Variants in CACNA1H observed in about 807,000 individuals in gnomAD.
CACNA1H encodes the protein calcium voltage-gated channel subunit alpha1 H.
In CACNA1H, 149 loss-of-function variants were observed where a neutral mutation model predicts 192.5. That is an observed-to-expected ratio of 0.77 (90% CI 0.68 to 0.89). CACNA1H has a LOEUF of 0.89. Ranked by LOEUF, CACNA1H falls within the 40% of genes least tolerant of loss-of-function variation. The pLI is 0.00. For missense variants in CACNA1H, 4,257 were observed against 3,423.5 expected, an observed-to-expected ratio of 1.24 and a Z score of -6.08; for synonymous variants, 2,202 against 1,475.2, an observed-to-expected ratio of 1.49 and a Z score of -11.29.
chr16:1,207,937 C>T (rs930947437), intron 15 of CACNA1H, 76 bp from the exon 16 acceptor site: 2 of 1,538,420 alleles, frequency 1.3e-6, no homozygotes, highest in African/African-American at 1.4e-5. Flanking sequence ...CCCCATAAGG[C>T]AATCCCTAGG....
intron 2 of CACNA1H, among the ~76,000 whole-genome samples, chr16:1,166,440 A>ATTCC (rs1178070002): frequency 2.0e-5 from 3 of 152,140 alleles, no homozygotes; most frequent in Non-Finnish European, 4.4e-5. Context: ...GCACCAACTC[A>ATTCC]TTCCTGTTGT....
chr16:1,210,815 A>G lies in CACNA1H; in HGVS notation c.4067A>G (p.Glu1356Gly), dbSNP rs1268791413. The G allele has an allele frequency of 1.9e-6, 3 of 1,602,800 alleles. No homozygotes were observed. Among genetic ancestry groups the G allele is most frequent in the Non-Finnish European group, 2.5e-6 (3 of 1,179,720 alleles). Residue 1356 changes from glutamate (E) to glycine (G), a missense_variant, in exon 21 of 35, where the codon GAG (glutamate) becomes GGG (glycine). By Grantham distance (98) the Glu-to-Gly change is moderately conservative. Coordinates refer to ENST00000348261, the MANE Select transcript of CACNA1H (RefSeq NM_021098.3). ...KVVALGLLSG[E>G]HAYLQSSWNL... ...GTGGCCCTGGGGCTGCTGTCCGGCG[A>G]GCACGCCTACCTGCAGAGCAGCTGG...
At chr16:1,206,337 A>G (rs577105128) in intron 12 of CACNA1H, 48 bp downstream of exon 12, 1 of 1,516,894 alleles carries the variant, frequency 6.6e-7, no homozygotes, top group Non-Finnish European at 8.9e-7. Flanking sequence ...ACCCCAGGGC[A>G]GCTGGGAGGC....
At chr16:1,211,324 G>T in intron 22 of CACNA1H, 30 bp downstream of exon 22, 1 of 1,612,156 alleles carries the variant, frequency 6.2e-7, no homozygotes. Flanking sequence ...CCGGGGGTCT[G>T]CCCCGTCGCA....
At position 1,215,507 on chromosome 16, in the gene CACNA1H, C is replaced by G; in HGVS notation, c.5174-16C>G. The G allele has an allele frequency of 1.2e-6, 2 of 1,609,714 alleles. No homozygotes were observed. Among genetic ancestry groups the G allele is most frequent in the Non-Finnish European group, 1.7e-6 (2 of 1,178,750 alleles). ...GGGTCCGCCCAGCCCTGCTGACGCT[C>G]AGCTCCCGGCCCTAGTGCTGAAGCT... On this transcript the variant is annotated splice_polypyrimidine_tract_variant and intron_variant, in intron 29 of 34. Transcript: ENST00000348261.
At chr16:1,164,475 G>A (rs1963551863) in intron 2 of CACNA1H, among the ~76,000 whole-genome samples, 1 of 152,176 alleles carries the variant, frequency 6.6e-6, no homozygotes, top group Non-Finnish European at 1.5e-5. Flanking sequence ...AGGATTACAG[G>A]TGTGAGCCAC....
rs1256406124 is a variant in CACNA1H, at chr16:1,213,871, C to T, written c.4869C>T (p.Ile1623=). Residue 1623 remains isoleucine (I), a synonymous_variant, in exon 27 of 35, where the codon ATC becomes ATT. Coordinates refer to ENST00000348261, the MANE Select transcript of CACNA1H (RefSeq NM_021098.3). ...CCAGCCACTATCTCGACCTCTTCAT[C>T]ACCTTCATCATCTGTGTCAACGTCA... The part of the protein sequence containing the change: ...LCTSHYLDLF[I]TFIICVNVIT... The T allele has an allele frequency of 2.5e-6, 4 of 1,611,140 alleles. No individual in the cohort carries two copies. The highest frequency in any genetic ancestry group is 2.7e-5 in the African/African-American group (2 of 75,032).
chr16:1,195,721 C>T (rs754882726), intron 4 of CACNA1H, among the ~76,000 whole-genome samples, 156 bp downstream of exon 4: 3 of 152,158 alleles, frequency 2.0e-5, no homozygotes, highest in Admixed American at 6.5e-5. Context: ...GAGACCCTCC[C>T]TCCTGGGCAC....
intron 29 of CACNA1H, 28 bp from the exon 30 acceptor site, chr16:1,215,495 C>CCTGCTGACGCTCAGCT (rs1567550364): frequency 1.2e-6 from 2 of 1,607,340 alleles, no homozygotes; most frequent in South Asian, 2.2e-5. Context: ...TCCGCCCAGC[C>CCTGCTGACGCTCAGCT]CTGCTGACGC....
Position 1,183,183 on chromosome 16 carries a change from C to T in CACNA1H, c.300-11789C>T, listed in dbSNP as rs925477692. On this transcript the variant is annotated intron_variant, in intron 2 of 34. Transcript: ENST00000348261. ...CCTGGAACCCGGTACCCTCCACCCC[C>T]GTGCGGCTGTGGGAATCCTGGGGCT... 1.5e-4 allele frequency among the ~76,000 whole-genome samples: 23 copies of T among 152,258 alleles called. No individual in the cohort carries two copies. The East Asian group carries it at 3.1e-3, about 20-fold the overall frequency.
chr16:1,187,422 C>A (rs1236162308), intron 2 of CACNA1H, among the ~76,000 whole-genome samples: 1 of 152,218 alleles, frequency 6.6e-6, no homozygotes, highest in Non-Finnish European at 1.5e-5. Context: ...GGGCTGTGGC[C>A]CACCTTGCTC....
At chr16:1,195,328 AGG>A in intron 3 of CACNA1H, 102 bp from the exon 4 acceptor site, 1 of 1,046,504 alleles carries the variant, frequency 9.6e-7, no homozygotes, top group African/African-American at 4.1e-5. Context: ...GGGCGGGGCG[AGG>A]GGTGTGGCAA....
chr16:1,168,702 C>T (rs1225157808), intron 2 of CACNA1H, among the ~76,000 whole-genome samples: 1 of 152,108 alleles, frequency 6.6e-6, no homozygotes, highest in Admixed American at 6.5e-5. Flanking sequence ...CATTGCCCTC[C>T]AGACCCTTCC....
In CACNA1H at chr16:1,153,959, C is replaced by T. The variant is rs1422558254; in HGVS notation, c.222C>T (p.Ala74=). The change falls in exon 2 of 35, where the codon GCC becomes GCT. Residue 74 remains alanine, a synonymous_variant. Transcript: ENST00000348261. The stretch of plus-strand genomic sequence containing the variant: ...AGGAGCAGCGCGTCCCGTACCCGGC[C>T]TTGGCGGCCACGGTCTTCTTCTGCC... ...ADEEQRVPYP[A]LAATVFFCLG... 5.5e-6 allele frequency: 8 copies of T among 1,452,028 alleles called. No individual in the cohort carries two copies. Among genetic ancestry groups the T allele is most frequent in the East Asian group, 3.1e-5 (1 of 32,612 alleles). 89.9% of individuals were successfully genotyped at this position (1,452,028 alleles called of 1,614,324 possible). A position where few individuals can be genotyped will look rare whatever the true frequency, so the allele number is the denominator to read the frequency against.
chr16:1,183,607 G>A (rs895328723), intron 2 of CACNA1H, among the ~76,000 whole-genome samples: 12 of 152,368 alleles, frequency 7.9e-5, no homozygotes, highest in African/African-American at 2.9e-4. Context: ...CGTGCCTGTC[G>A]TGGCATTGGG....
intron 2 of CACNA1H, among the ~76,000 whole-genome samples, chr16:1,164,016 G>A (rs1015756601): frequency 6.6e-6 from 1 of 152,224 alleles, no homozygotes; most frequent in African/African-American, 2.4e-5. Flanking sequence ...CAGCCGATGG[G>A]TGCGGCCTGT....
At position 1,220,241 on chromosome 16, in the gene CACNA1H, C is replaced by T. The variant is rs750517640; in HGVS notation, c.6309C>T (p.His2103=). Residue 2103 remains histidine, a synonymous_variant, in exon 35 of 35, where the codon CAC becomes CAT. Transcript: ENST00000348261. ...ASDPADEEVS[H]ITSSACPWQP... ...ACCCAGCCGACGAGGAGGTCAGCCA[C>T]ATCACCAGCTCCGCCTGCCCCTGGC... 6.3e-7 allele frequency: 1 copy of T among 1,585,464 alleles called. No individual in the cohort carries two copies. The highest frequency in any genetic ancestry group is 8.5e-7 in the Non-Finnish European group (1 of 1,171,826).
At position 1,220,294 on chromosome 16, in the gene CACNA1H, A is replaced by G; in HGVS notation, c.6362A>G (p.Glu2121Gly). The change falls in exon 35 of 35, where the codon GAA (glutamate) becomes GGA (glycine). Residue 2121 changes from glutamate to glycine, a missense_variant. By Grantham distance (98) the Glu-to-Gly change is moderately conservative. Transcript: ENST00000348261. ...WQPTAEPHGP[E>G]ASPVAGGERD... The stretch of plus-strand genomic sequence containing the variant: ...CCCACAGCCGAGCCCCATGGCCCCG[A>G]AGCCTCTCCGGTGGCCGGCGGCGAG... 6.3e-7 allele frequency: 1 copy of G among 1,576,482 alleles called. No homozygotes were observed. The highest frequency in any genetic ancestry group is 8.6e-7 in the Non-Finnish European group (1 of 1,168,128).
At chr16:1,216,380 C>G (rs907910368) in intron 30 of CACNA1H, among the ~76,000 whole-genome samples, 1 of 152,266 alleles carries the variant, frequency 6.6e-6, no homozygotes. Flanking sequence ...ACAGGCCTGG[C>G]CAGCCTTGGA....
Sources: allele counts gnomAD v4.1 joint callset (sites outside exome capture counted in the v4.1 genomes callset), GRCh38; gene constraint gnomAD v4.1.1; transcripts MANE v1.5; gene names NCBI Gene and HGNC (gene_info 2026-07-23, HGNC 2026-07-21).